The following ATF6 variants were observed in gnomAD, a reference collection of about 807,000 sequenced individuals.
ATF6 encodes the protein activating transcription factor 6, also known as cyclic AMP-dependent transcription factor ATF-6 alpha.
A neutral mutation model predicts 83.6 loss-of-function variants in ATF6; 53 were observed. The observed-to-expected ratio is 0.63, with a 90% CI of 0.51 to 0.80. The LOEUF (loss-of-function observed/expected upper bound fraction) is 0.80. ATF6 is among the 30% of genes least tolerant of loss of function. The pLI, the probability that ATF6 is intolerant of heterozygous loss-of-function variation, is 0.00. For missense variants in ATF6, 744 were observed against 797.9 expected (o/e 0.93, Z 0.81); for synonymous variants, 288 against 285.8 (o/e 1.01, Z -0.08).
Position 161,785,089 on chromosome 1 carries a change from C to T in ATF6, c.354+993C>T, listed in dbSNP as rs563980911. 3.7e-3 allele frequency among the ~76,000 whole-genome samples: 568 copies of T among 152,304 alleles called. 1 individual carries two copies. The highest frequency in any genetic ancestry group is 5.3e-3 in the Non-Finnish European group (359 of 68,014). On this transcript the variant is annotated intron_variant, in intron 4 of 15. Coordinates refer to ENST00000367942, the MANE Select transcript of ATF6 (RefSeq NM_007348.4). ...CTATCCCCTCCTACTTCCACATTCC[C>T]CTTAATTTGAGCCCTGTGAGAGTTC...
rs539506940 is a variant in ATF6, at chr1:161,782,887, G to A, written c.247+888G>A. 4.6e-5 allele frequency among the ~76,000 whole-genome samples: 7 copies of A among 152,274 alleles called. No homozygotes were observed. The South Asian group carries it at 1.0e-3, about 23-fold the overall frequency. On this transcript the variant is annotated intron_variant, in intron 3 of 15. Coordinates refer to ENST00000367942, the MANE Select transcript of ATF6 (RefSeq NM_007348.4). Reference sequence around the variant, plus strand: ...TCACGAATTTTGACTGGGTGCTTACGAATTTTGACCGGGTGCTCCAAGGAT... The same window carrying A: ...TCACGAATTTTGACTGGGTGCTTACAAATTTTGACCGGGTGCTCCAAGGAT...
At position 161,961,071 on chromosome 1, in the gene ATF6, C is replaced by T. The variant is rs1189494360; in HGVS notation, c.*2417C>T. Reference sequence around the variant, plus strand: ...CGTGGCCTTCTTGTTCTTAGCGCTTCACTTTTACTTCATCCCTCGATTCCC... The same window carrying T: ...CGTGGCCTTCTTGTTCTTAGCGCTTTACTTTTACTTCATCCCTCGATTCCC... On this transcript the variant is annotated 3_prime_UTR_variant, in exon 16 of 16. Transcript: ENST00000367942. The T allele has an allele frequency of 6.6e-6, 1 of 152,218 alleles. No homozygotes were observed. The highest frequency in any genetic ancestry group is 1.5e-5 in the Non-Finnish European group (1 of 68,048). 9.4% of individuals were successfully genotyped at this position (152,218 alleles called of 1,614,324 possible).
chr1:161,870,220 TTGTTAATTACC>T (rs1424464780), intron 14 of ATF6, among the ~76,000 whole-genome samples: 3 of 151,858 alleles, frequency 2.0e-5, no homozygotes, highest in Non-Finnish European at 4.4e-5. Context: ...TTATGTTTGT[TTGTTAATTACC>T]TGTTAATTAT....
chr1:161,886,045 A>G (rs1375325959), intron 14 of ATF6, among the ~76,000 whole-genome samples: 1 of 152,170 alleles, frequency 6.6e-6, no homozygotes, highest in Non-Finnish European at 1.5e-5. Flanking sequence ...TCAAGGAAGG[A>G]GGAGGTAGTA....
intron 2 of ATF6, among the ~76,000 whole-genome samples, chr1:161,780,112 G>GT (rs1009268642): frequency 2.6e-5 from 4 of 151,958 alleles, no homozygotes; most frequent in South Asian, 2.1e-4. Flanking sequence ...TTAAAAAATG[G>GT]TTTTTTTATG....
chr1:161,894,926 G>T (rs944832184), intron 14 of ATF6, among the ~76,000 whole-genome samples: 2 of 151,096 alleles, frequency 1.3e-5, no homozygotes, highest in African/African-American at 4.9e-5. Context: ...ATAGATAACT[G>T]TGTGATCAAT....
chr1:161,839,554 G>A (rs924692744), intron 9 of ATF6, among the ~76,000 whole-genome samples: 2 of 152,004 alleles, frequency 1.3e-5, no homozygotes, highest in Non-Finnish European at 2.9e-5. Context: ...TATTATTATC[G>A]TAGAGATGAG....
At chr1:161,935,204 G>T (rs995392839) in intron 15 of ATF6, among the ~76,000 whole-genome samples, 1 of 152,152 alleles carries the variant, frequency 6.6e-6, no homozygotes, top group African/African-American at 2.4e-5. Flanking sequence ...AGATAGACTC[G>T]TATGTAATCA....
chr1:161,882,906 A>G (rs996526302), intron 14 of ATF6, among the ~76,000 whole-genome samples: 1 of 151,976 alleles, frequency 6.6e-6, no homozygotes, highest in Non-Finnish European at 1.5e-5. Flanking sequence ...AGATATGTAT[A>G]CTTCTTTATC....
In ATF6 at chr1:161,914,214, A is replaced by G. The variant is rs183506169; in HGVS notation, c.1804+1834A>G. ...TACATCCTCAGCCTTTTCTCTTAAC[A>G]GTCTTGCTCTGAGGATACTTCTTAA... On this transcript the variant is annotated intron_variant, in intron 15 of 15. Transcript: ENST00000367942. 2.8e-3 allele frequency among the ~76,000 whole-genome samples: 424 copies of G among 152,336 alleles called. 1 individual carries two copies. Among genetic ancestry groups the G allele is most frequent in the African/African-American group, 9.9e-3 (410 of 41,580 alleles).
intron 9 of ATF6, among the ~76,000 whole-genome samples, chr1:161,825,230 C>T (rs567656875): frequency 6.6e-6 from 1 of 152,280 alleles, no homozygotes; most frequent in East Asian, 1.9e-4. Context: ...GTGCACCTCA[C>T]CACACCTGGC....
intron 14 of ATF6, chr1:161,891,880 G>A (rs1687564675): frequency 6.6e-6 from 1 of 152,122 alleles, no homozygotes; most frequent in Non-Finnish European, 1.5e-5. Context: ...GGAGAATGGG[G>A]ACAAACCATC....
intron 15 of ATF6, among the ~76,000 whole-genome samples, chr1:161,951,662 A>G (rs1203131739): frequency 6.6e-6 from 1 of 152,228 alleles, no homozygotes; most frequent in African/African-American, 2.4e-5. Context: ...GGAAAAGAAC[A>G]GATATGATTT....
chr1:161,916,810 A>G (rs1688111454), intron 15 of ATF6, among the ~76,000 whole-genome samples: 1 of 152,250 alleles, frequency 6.6e-6, no homozygotes, highest in Admixed American at 6.5e-5. Flanking sequence ...GAATTTTGAC[A>G]AAAGTAAACC....
chr1:161,890,677 G>A (rs886558450), intron 14 of ATF6, among the ~76,000 whole-genome samples: 17 of 152,310 alleles, frequency 1.1e-4, no homozygotes, highest in Admixed American at 3.9e-4. Flanking sequence ...CTAGCGGATT[G>A]GCCCCAAACC....
At chr1:161,905,267 CTT>C (rs1481831037) in intron 14 of ATF6, among the ~76,000 whole-genome samples, 1 of 152,092 alleles carries the variant, frequency 6.6e-6, no homozygotes, top group Non-Finnish European at 1.5e-5. Context: ...TTTGAGGTAA[CTT>C]TTGAGATTCT....
At chr1:161,902,940 A>G (rs1687816349) in intron 14 of ATF6, among the ~76,000 whole-genome samples, 1 of 152,226 alleles carries the variant, frequency 6.6e-6, no homozygotes, top group Non-Finnish European at 1.5e-5. Context: ...AAGTGGGAGC[A>G]GGTAAAGGTG....
intron 14 of ATF6, chr1:161,891,795 T>C (rs1687563080): frequency 6.6e-6 from 1 of 152,200 alleles, no homozygotes; most frequent in Admixed American, 6.5e-5. Context: ...TGTGTTACCA[T>C]TTAGAATTTC....
chr1:161,953,611 C>G (rs1456532303), intron 15 of ATF6, among the ~76,000 whole-genome samples: 4 of 152,132 alleles, frequency 2.6e-5, no homozygotes, highest in Non-Finnish European at 5.9e-5. Flanking sequence ...TCTCTCCTGT[C>G]AGAGGAACTG....
Sources: allele counts gnomAD v4.1 joint callset (sites outside exome capture counted in the v4.1 genomes callset), GRCh38; gene constraint gnomAD v4.1.1; transcripts MANE v1.5; gene names NCBI Gene and HGNC (gene_info 2026-07-23, HGNC 2026-07-21).